RB1: variants seen among roughly 807,000 people sequenced by gnomAD.
RB1 encodes retinoblastoma-associated protein.
A neutral mutation model predicts 135.4 loss-of-function variants in RB1; 18 were observed. The ratio of observed to expected loss-of-function variants is 0.13; its 90% confidence interval spans 0.09 to 0.20. The LOEUF (loss-of-function observed/expected upper bound fraction) is 0.20. RB1 is among the 10% of genes least tolerant of loss of function. The pLI is 1.00. For synonymous variants in RB1, 365 were observed against 373.2 expected (o/e 0.98, Z 0.25); for missense variants, 868 against 1,110.0 (o/e 0.78, Z 3.10).
At chr13:48,446,583 C>G (rs1260333280) in intron 17 of RB1, among the ~76,000 whole-genome samples, 2 of 152,104 alleles carry the variant, frequency 1.3e-5, no homozygotes, top group African/African-American at 4.8e-5. Flanking sequence ...TTATGGCTGT[C>G]TTAGGCAAGA....
intron 2 of RB1, among the ~76,000 whole-genome samples, chr13:48,314,898 A>G (rs919664372): frequency 2.0e-5 from 3 of 152,086 alleles, no homozygotes; most frequent in African/African-American, 4.8e-5. Flanking sequence ...TGTTCATCCT[A>G]TGTATTTGCT....
intron 2 of RB1, chr13:48,318,339 G>C: frequency 7.2e-7 from 1 of 1,392,478 alleles, no homozygotes; most frequent in Non-Finnish European, 9.7e-7. Context: ...CTTCCTGCAC[G>C]CAGCCCTGGG....
Position 48,453,050 on chromosome 13 carries a change from C to G in RB1, c.1753C>G (p.His585Asp), listed in dbSNP as rs1401332173. ...AAAGGACCGAGAAGGACCAACTGAT[C>G]ACCTTGAATCTGCTTGTCCTCTTAA... ...QSKDREGPTDHLESACPLNLP... is the reference protein window; with the variant it reads ...QSKDREGPTDDLESACPLNLP... Residue 585 changes from histidine to aspartate, a missense_variant, in exon 18 of 27, where the codon CAC becomes GAC. This residue lies in a region of RB1 where 641 missense variants were observed against 791.3 expected (regional missense o/e 0.81). Transcript: ENST00000267163. 1.9e-6 allele frequency: 3 copies of G among 1,613,264 alleles called. No individual in the cohort carries two copies. Among genetic ancestry groups the G allele is most frequent in the Non-Finnish European group, 2.5e-6 (3 of 1,179,664 alleles).
chr13:48,402,568 G>A (rs866990013), intron 17 of RB1, among the ~76,000 whole-genome samples: 4 of 151,710 alleles, frequency 2.6e-5, no homozygotes, highest in South Asian at 2.1e-4. Context: ...TTGTAGAGAC[G>A]GGGTCTTGCT....
chr13:48,386,041 TAAA>T (rs59407273), intron 17 of RB1, among the ~76,000 whole-genome samples: 5 of 130,372 alleles, frequency 3.8e-5, no homozygotes, highest in African/African-American at 1.5e-4. Context: ...CCCCATCTCT[TAAA>T]AAAAAAAAAA....
chr13:48,474,305 A>G (rs1949490807), intron 24 of RB1, among the ~76,000 whole-genome samples: 1 of 152,138 alleles, frequency 6.6e-6, no homozygotes, highest in South Asian at 2.1e-4. Context: ...CTTTCTGGCA[A>G]CCAGCTTCCA....
chr13:48,338,266 CAG>C (rs1314241419), intron 2 of RB1, among the ~76,000 whole-genome samples: 1 of 152,212 alleles, frequency 6.6e-6, no homozygotes, highest in African/African-American at 2.4e-5. Flanking sequence ...TAATATCCTG[CAG>C]AGTGTTTTCC....
chr13:48,446,473 TAATA>T (rs1949288413), intron 17 of RB1, among the ~76,000 whole-genome samples: 1 of 152,164 alleles, frequency 6.6e-6, no homozygotes, highest in Non-Finnish European at 1.5e-5. Context: ...AGTAGCGAGA[TAATA>T]AATAAGAAAA....
intron 2 of RB1, among the ~76,000 whole-genome samples, chr13:48,336,852 C>A (rs771255008): frequency 2.3e-3 from 357 of 152,184 alleles, no homozygotes; most frequent in Non-Finnish European, 3.1e-3. Flanking sequence ...CACTGCTTTA[C>A]ATGTGTCCCA....
chr13:48,479,935 C>A (rs1949527577), intron 26 of RB1, 63 bp from the exon 27 acceptor site: 1 of 1,314,674 alleles, frequency 7.6e-7, no homozygotes, highest in Non-Finnish European at 1.1e-6. Context: ...ATATATATGG[C>A]AGCCACTTGC....
chr13:48,345,552 G>A (rs749250325), intron 4 of RB1, among the ~76,000 whole-genome samples: 2 of 152,136 alleles, frequency 1.3e-5, no homozygotes, highest in South Asian at 2.1e-4. Flanking sequence ...AGTTTGGAAC[G>A]AGAAAACACT....
intron 2 of RB1, among the ~76,000 whole-genome samples, chr13:48,330,212 A>G (rs1438730272): frequency 2.0e-5 from 3 of 152,148 alleles, no homozygotes; most frequent in Admixed American, 6.5e-5. Context: ...ATAAACACCA[A>G]CATGAAGGAA....
At chr13:48,429,787 T>C (rs1408585053) in intron 17 of RB1, among the ~76,000 whole-genome samples, 1 of 152,158 alleles carries the variant, frequency 6.6e-6, no homozygotes, top group Non-Finnish European at 1.5e-5. Flanking sequence ...CTGGAAAATG[T>C]AATGAAAAAT....
intron 2 of RB1, chr13:48,327,986 G>T: frequency 1.8e-6 from 1 of 560,500 alleles, no homozygotes; most frequent in South Asian, 2.7e-5. Context: ...GAAAAAAAAA[G>T]TGGCTCCAAA....
chr13:48,403,457 T>C (rs1416848276), intron 17 of RB1, among the ~76,000 whole-genome samples: 1 of 151,942 alleles, frequency 6.6e-6, no homozygotes, highest in Non-Finnish European at 1.5e-5. Flanking sequence ...AAATAAATGA[T>C]GAGTGTATTG....
chr13:48,348,502 A>G (rs889483721), intron 5 of RB1, among the ~76,000 whole-genome samples: 2 of 151,810 alleles, frequency 1.3e-5, no homozygotes, highest in African/African-American at 4.8e-5. Context: ...CCAAACCTTC[A>G]TTTTTCTGCT....
At chr13:48,449,998 T>C (rs1174909187) in intron 17 of RB1, among the ~76,000 whole-genome samples, 3 of 152,142 alleles carry the variant, frequency 2.0e-5, no homozygotes, top group African/African-American at 7.2e-5. Flanking sequence ...TTAAGTTCCT[T>C]GTAGACTCTG....
At chr13:48,478,621 C>T (rs1475793383) in intron 26 of RB1, among the ~76,000 whole-genome samples, 4 of 152,160 alleles carry the variant, frequency 2.6e-5, no homozygotes, top group East Asian at 1.9e-4. Context: ...GCTATGATGG[C>T]GAGCTTCCTC....
At chr13:48,471,664 C>A in intron 23 of RB1, among the ~76,000 whole-genome samples, 1 of 149,172 alleles carries the variant, frequency 6.7e-6, no homozygotes, top group African/African-American at 2.5e-5. Flanking sequence ...CTTTTGAGAA[C>A]AATTTGAGAA....
Sources: gnomAD v4.1 joint callset for allele counts (sites outside exome capture counted in the v4.1 genomes callset) on GRCh38, gnomAD v4.1.1 for gene constraint, gnomAD v4.1.1 regional missense constraint, MANE v1.5 for transcripts, NCBI Gene and HGNC (gene_info 2026-07-23, HGNC 2026-07-21) for gene names.